The following RIGI variants were observed in gnomAD, a reference collection of about 807,000 sequenced individuals.
The protein encoded by RIGI is antiviral innate immune response receptor RIG-I.
the RIGI span, among the ~76,000 whole-genome samples, chr9:32,505,656 GTT>G: frequency 2.0e-5 from 3 of 152,182 alleles, no homozygotes; most frequent in East Asian, 5.8e-4. Flanking sequence ...TAAATATATA[GTT>G]TTAAATAAGT....
the RIGI span, among the ~76,000 whole-genome samples, chr9:32,517,174 A>G: frequency 6.6e-6 from 1 of 152,154 alleles, no homozygotes; most frequent in Admixed American, 6.5e-5. Flanking sequence ...GTTTGGCCCC[A>G]GGTTTCTTTG....
At chr9:32,495,342 C>G in the RIGI span, among the ~76,000 whole-genome samples, 5 of 151,946 alleles carry the variant, frequency 3.3e-5, no homozygotes, top group Non-Finnish European at 2.9e-5. Context: ...GCTGGGATTA[C>G]AGGCACCCGC....
At chr9:32,489,406 T>C in the RIGI span, 2 of 1,613,554 alleles carry the variant, frequency 1.2e-6, no homozygotes, top group African/African-American at 1.3e-5. Context: ...CTCTAATTGG[T>C]AATTTCTTGG....
chr9:32,509,059 C>T, the RIGI span, among the ~76,000 whole-genome samples: 7 of 152,214 alleles, frequency 4.6e-5, no homozygotes, highest in Non-Finnish European at 8.8e-5. Context: ...AGATTCCTCA[C>T]TCTAGGCAGG....
At chr9:32,459,176 A>G in the RIGI span, among the ~76,000 whole-genome samples, 2 of 151,990 alleles carry the variant, frequency 1.3e-5, no homozygotes, top group African/African-American at 2.4e-5. Context: ...ATGAGCCACT[A>G]TGCCTGGCCA....
chr9:32,480,289 T>G, the RIGI span: 63 of 1,611,290 alleles, frequency 3.9e-5, no homozygotes, highest in Non-Finnish European at 4.4e-5. Context: ...TGAAGAAGTC[T>G]TTCAAGTAAT....
At chr9:32,509,437 A>G in the RIGI span, among the ~76,000 whole-genome samples, 1 of 152,204 alleles carries the variant, frequency 6.6e-6, no homozygotes, top group Non-Finnish European at 1.5e-5. Flanking sequence ...TGCAGCCTCC[A>G]CTGGTGATAC....
At chr9:32,487,341 C>G in the RIGI span, 2 of 901,048 alleles carry the variant, frequency 2.2e-6, no homozygotes, top group Admixed American at 2.7e-5. Context: ...GACTGTTACT[C>G]AAGTTCAAGG....
At chr9:32,460,747 A>G in the RIGI span, among the ~76,000 whole-genome samples, 1 of 151,496 alleles carries the variant, frequency 6.6e-6, no homozygotes, top group Non-Finnish European at 1.5e-5. Flanking sequence ...AAATTACCCA[A>G]TCTGAACAAC....
At chr9:32,503,220 C>A in the RIGI span, among the ~76,000 whole-genome samples, 2 of 152,106 alleles carry the variant, frequency 1.3e-5, no homozygotes, top group African/African-American at 4.8e-5. Context: ...CGTGGAGATG[C>A]AAATTTATCC....
the RIGI span, among the ~76,000 whole-genome samples, chr9:32,497,762 G>GAATA: frequency 4.8e-3 from 710 of 148,214 alleles, 6 homozygotes; most frequent in African/African-American, 0.016. Context: ...AAAAATGAAT[G>GAATA]AATGAATAAA....
the RIGI span, among the ~76,000 whole-genome samples, chr9:32,508,239 A>ATTTTTTTTTTTTTTTTTTTTTTTTT: frequency 0.029 from 2,064 of 70,224 alleles, 592 homozygotes; most frequent in Middle Eastern, 0.042. Flanking sequence ...TATTTACTTA[A>ATTTTTTTTTTTTTTTTTTTTTTTTT]TTTTTTTTTT....
the RIGI span, among the ~76,000 whole-genome samples, chr9:32,482,892 T>C: frequency 6.6e-6 from 1 of 151,582 alleles, no homozygotes; most frequent in African/African-American, 2.4e-5. Context: ...TAGGACTCAG[T>C]TCACCCTATG....
At chr9:32,466,514 A>C in the RIGI span, 1 of 1,336,624 alleles carries the variant, frequency 7.5e-7, no homozygotes, top group South Asian at 1.4e-5. Context: ...TAGGTAAACA[A>C]ATAGAGGTAC....
At chr9:32,485,070 A>G in the RIGI span, 6 of 752,980 alleles carry the variant, frequency 8.0e-6, no homozygotes, top group Admixed American at 2.7e-5. Context: ...ACCTCTGGAT[A>G]TGGTCTTGAC....
chr9:32,482,181 G>A, the RIGI span, among the ~76,000 whole-genome samples: 1 of 141,414 alleles, frequency 7.1e-6, no homozygotes, highest in Non-Finnish European at 1.6e-5. Context: ...GCATCTGTGT[G>A]TTTGTTTGTG....
chr9:32,459,977 C>T, the RIGI span, among the ~76,000 whole-genome samples: 8 of 144,026 alleles, frequency 5.6e-5, no homozygotes, highest in African/African-American at 2.1e-4. Flanking sequence ...CAAATCTCAA[C>T]TTGAATTGTA....
chr9:32,478,886 T>G, the RIGI span, among the ~76,000 whole-genome samples: 2 of 152,162 alleles, frequency 1.3e-5, no homozygotes, highest in Non-Finnish European at 2.9e-5. Flanking sequence ...TTTAGACTTA[T>G]GAACATGATC....
At chr9:32,499,309 GTGATT>G in the RIGI span, among the ~76,000 whole-genome samples, 728 of 44,764 alleles carry the variant, frequency 0.016, 13 homozygotes, top group Middle Eastern at 0.054. Flanking sequence ...CCCAGAGTTT[GTGATT>G]TGTTTTTTTT....
Sources: gnomAD v4.1 joint callset for allele counts (sites outside exome capture counted in the v4.1 genomes callset) on GRCh38, gnomAD v4.1.1 for gene constraint, MANE v1.5 for transcripts, NCBI Gene and HGNC (gene_info 2026-07-23, HGNC 2026-07-21) for gene names.